Variants in DST observed in about 807,000 individuals in gnomAD.
The protein encoded by DST is bullous pemphigoid antigen.
Under a neutral mutation model 875.2 loss-of-function variants are expected in DST, and 253 were observed. That is an observed-to-expected ratio of 0.29 (90% CI 0.26 to 0.32). The LOEUF (loss-of-function observed/expected upper bound fraction) is 0.32, where lower values mean the gene tolerates loss of function less well. Ranked by LOEUF, DST falls within the 10% of genes least tolerant of loss-of-function variation. The probability of loss-of-function intolerance (pLI) is 1.00; values close to 1 mark genes in which losing one functional copy is unlikely to be tolerated. For missense variants in DST, 8,287 were observed against 9,111.6 expected (o/e 0.91, Z 3.68); for synonymous variants, 3,124 against 3,197.1 (o/e 0.98, Z 0.77).
At chr6:56,713,907 G>T (rs547920855) in intron 5 of DST, among the ~76,000 whole-genome samples, 59 of 152,112 alleles carry the variant, frequency 3.9e-4, no homozygotes, top group Non-Finnish European at 5.9e-4. Flanking sequence ...TCATTTCCTT[G>T]GGTCCTTGAA....
intron 4 of DST, among the ~76,000 whole-genome samples, chr6:56,832,033 T>C (rs2099787713): frequency 1.3e-5 from 2 of 152,196 alleles, no homozygotes; most frequent in African/African-American, 4.8e-5. Flanking sequence ...GAAAGGGATA[T>C]ATAAGTACAG....
intron 3 of DST, among the ~76,000 whole-genome samples, chr6:56,885,862 T>G (rs56968726): frequency 0.018 from 2,671 of 152,304 alleles, 83 homozygotes; most frequent in African/African-American, 0.06. Flanking sequence ...GCAACACAGA[T>G]GGACTAAGAC....
intron 9 of DST, among the ~76,000 whole-genome samples, chr6:56,695,126 C>CAAAAAAAAAAAAAAAAAAAA (rs34456344): frequency 7.1e-5 from 5 of 70,054 alleles, no homozygotes; most frequent in African/African-American, 2.2e-4. Context: ...GACTCCCTCT[C>CAAAAAAAAAAAAAAAAAAAA]AAAAAAAAAA....
At chr6:56,808,291 C>T (rs1405736943) in intron 4 of DST, among the ~76,000 whole-genome samples, 1 of 151,300 alleles carries the variant, frequency 6.6e-6, no homozygotes, top group Non-Finnish European at 1.5e-5. Context: ...CGTGCTGCTA[C>T]TTTTTTCTCA....
At chr6:56,520,435 G>A (rs1406277859) in intron 69 of DST, among the ~76,000 whole-genome samples, 1 of 152,082 alleles carries the variant, frequency 6.6e-6, no homozygotes, top group Non-Finnish European at 1.5e-5. Context: ...GGCTCACAGA[G>A]CAGCATGAAG....
At chr6:56,628,818 C>G (rs548565968) in intron 32 of DST, among the ~76,000 whole-genome samples, 60 of 152,148 alleles carry the variant, frequency 3.9e-4, no homozygotes, top group Non-Finnish European at 7.2e-4. Context: ...AGAATTTTGA[C>G]TTTCTTGTAT....
chr6:56,660,512 T>C (rs2099033534), intron 10 of DST, among the ~76,000 whole-genome samples: 2 of 151,144 alleles, frequency 1.3e-5, no homozygotes, highest in Admixed American at 1.3e-4. Flanking sequence ...GAAGTTACCG[T>C]AACAAATTCC....
intron 77 of DST, among the ~76,000 whole-genome samples, chr6:56,504,764 T>G (rs886194062): frequency 2.6e-5 from 4 of 152,096 alleles, no homozygotes; most frequent in Non-Finnish European, 5.9e-5. Context: ...CACAATCAAA[T>G]AGCTCACTGT....
At position 56,627,210 on chromosome 6, in the gene DST, T is replaced by C. The variant is rs749460129; in HGVS notation, c.4716A>G (p.Thr1572=). 4.0e-5 allele frequency: 65 copies of C among 1,609,460 alleles called. No homozygotes were observed. Among genetic ancestry groups the C allele is most frequent in the Non-Finnish European group, 5.4e-5 (63 of 1,176,666 alleles). Reference sequence around the variant, plus strand: ...AGTTAATGAATCTTCCTACCTTCACTGTAGCTGAGTACTGTTCTGCATATT... The same window carrying C: ...AGTTAATGAATCTTCCTACCTTCACCGTAGCTGAGTACTGTTCTGCATATT... ...CQKYAEQYSA[T]VKDYELQTMT... The change falls in exon 34 of 104, where the codon ACA becomes ACG. Residue 1572 remains threonine, a synonymous_variant. Coordinates refer to ENST00000680361, the MANE Select transcript of DST (RefSeq NM_001374736.1).
intron 2 of DST, among the ~76,000 whole-genome samples, chr6:56,928,253 CT>C (rs955593648): frequency 2.6e-5 from 4 of 152,186 alleles, no homozygotes; most frequent in African/African-American, 9.7e-5. Context: ...CTTCTCCCCA[CT>C]TCCCCTTTCC....
chr6:56,749,831 G>A (rs2099582260), intron 4 of DST, among the ~76,000 whole-genome samples: 1 of 152,132 alleles, frequency 6.6e-6, no homozygotes, highest in African/African-American at 2.4e-5. Context: ...TTCATTCTGG[G>A]TTTGTTCATA....
chr6:56,855,728 G>A (rs1767546396), intron 3 of DST, among the ~76,000 whole-genome samples: 1 of 152,118 alleles, frequency 6.6e-6, no homozygotes, highest in African/African-American at 2.4e-5. Context: ...ACCCATCCCA[G>A]CAGCTCAAGG....
chr6:56,864,580 T>C (rs980939848), intron 3 of DST, among the ~76,000 whole-genome samples: 16 of 152,118 alleles, frequency 1.1e-4, no homozygotes, highest in African/African-American at 3.9e-4. Flanking sequence ...CCCATACTAC[T>C]ACACAAGAAA....
In DST at chr6:56,569,926, G is replaced by A; in HGVS notation, c.13808C>T (p.Thr4603Ile). Reference sequence around the variant, plus strand: ...AGGCTGTACAATGGGAACTTTTTTTGTTGTTTCTTTTATCCATGACTTCAA... The same window carrying A: ...AGGCTGTACAATGGGAACTTTTTTTATTGTTTCTTTTATCCATGACTTCAA... ...KSLKSWIKET[T>I]KKVPIVQPSF... The change falls in exon 54 of 104, where the codon ACA becomes ATA. Residue 4603 changes from threonine (T) to isoleucine (I), a missense_variant. Physicochemically the swap from Thr to Ile is moderately conservative, Grantham distance 89. Coordinates refer to ENST00000680361, the MANE Select transcript of DST (RefSeq NM_001374736.1). 2 of 1,611,234 alleles carry A rather than the reference G, an allele frequency of 1.2e-6. No individual in the cohort carries two copies. Among genetic ancestry groups the A allele is most frequent in the Non-Finnish European group, 1.7e-6 (2 of 1,178,908 alleles).
In DST at chr6:56,503,785, C is replaced by T. The variant is rs1017788483; in HGVS notation, c.19566+212G>A. On this transcript the variant is annotated intron_variant, in intron 78 of 103. Transcript: ENST00000680361. ...TTCTATACGAACAGTTATTAATTGA[C>T]TATAAAAAGAAAACTATTAATAGTA... 2.0e-5 allele frequency among the ~76,000 whole-genome samples: 3 copies of T among 151,936 alleles called. No individual in the cohort carries two copies. The South Asian group carries it at 6.2e-4, about 31-fold the overall frequency.
chr6:56,633,465 A>G (rs1010242486), intron 27 of DST, among the ~76,000 whole-genome samples: 102 of 151,176 alleles, frequency 6.7e-4, no homozygotes, highest in Non-Finnish European at 1.1e-3. Flanking sequence ...TGACCTCGTG[A>G]TCCGCCCGCC....
chr6:56,701,358 A>G (rs1442958993), intron 8 of DST, among the ~76,000 whole-genome samples: 1 of 152,090 alleles, frequency 6.6e-6, no homozygotes, highest in Non-Finnish European at 1.5e-5. Flanking sequence ...GTTGGGGGCT[A>G]TTGTCAGAAA....
chr6:56,828,631 A>T (rs1167889753), intron 4 of DST, among the ~76,000 whole-genome samples: 2 of 152,232 alleles, frequency 1.3e-5, no homozygotes, highest in African/African-American at 4.8e-5. Context: ...AGAACTAATA[A>T]TCAGGAGACC....
intron 2 of DST, among the ~76,000 whole-genome samples, chr6:56,950,253 C>T (rs879598512): frequency 7.9e-5 from 12 of 152,186 alleles, no homozygotes; most frequent in Non-Finnish European, 1.8e-4. Flanking sequence ...ATAGAACACA[C>T]TCTTCTCCTT....
Sources: gnomAD v4.1 joint callset for allele counts (sites outside exome capture counted in the v4.1 genomes callset) on GRCh38, gnomAD v4.1.1 for gene constraint, MANE v1.5 for transcripts, NCBI Gene and HGNC (gene_info 2026-07-23, HGNC 2026-07-21) for gene names.